Variants in BLVRA observed in about 807,000 individuals in gnomAD.
BLVRA encodes the protein BVR A.
Under a neutral mutation model 32.8 loss-of-function variants are expected in BLVRA, and 22 were observed. The ratio of observed to expected loss-of-function variants is 0.67; its 90% CI spans 0.48 to 0.96. The LOEUF is 0.96. BLVRA is among the 40% of genes least tolerant of loss of function. BLVRA has a pLI of 0.00. For missense variants in BLVRA, 323 were observed against 358.1 expected (o/e 0.90, Z 0.79); for synonymous variants, 119 against 141.3 (o/e 0.84, Z 1.12).
intron 6 of BLVRA, among the ~76,000 whole-genome samples, chr7:43,801,058 G>C (rs1327273277): frequency 6.6e-6 from 1 of 152,014 alleles, no homozygotes. Context: ...GGAGTGCAGT[G>C]GTGCAATCAT....
At chr7:43,771,006 G>C (rs2095754077) in intron 1 of BLVRA, 132 bp from the exon 2 acceptor site, 1 of 801,656 alleles carries the variant, frequency 1.2e-6, no homozygotes, top group East Asian at 2.5e-5. Flanking sequence ...CACAGGTGGT[G>C]AAGGCATTTG....
intron 5 of BLVRA, among the ~76,000 whole-genome samples, chr7:43,795,249 AT>A (rs1233525566): frequency 6.7e-6 from 1 of 150,332 alleles, no homozygotes; most frequent in East Asian, 2.0e-4. Context: ...ATAAAAATAG[AT>A]TGTGCCTGTA....
intron 5 of BLVRA, among the ~76,000 whole-genome samples, chr7:43,793,389 A>G (rs2095788318): frequency 6.6e-6 from 1 of 151,948 alleles, no homozygotes; most frequent in South Asian, 2.1e-4. Flanking sequence ...CAAAGCTAAT[A>G]ACATGACTAC....
At chr7:43,796,935 A>C (rs956739399) in intron 5 of BLVRA, among the ~76,000 whole-genome samples, 1 of 152,230 alleles carries the variant, frequency 6.6e-6, no homozygotes, top group Non-Finnish European at 1.5e-5. Flanking sequence ...TCAGACGGCA[A>C]ACAATCATAT....
At chr7:43,761,331 G>C (rs955082027) in intron 1 of BLVRA, among the ~76,000 whole-genome samples, 4 of 152,008 alleles carry the variant, frequency 2.6e-5, no homozygotes, top group Non-Finnish European at 4.4e-5. Flanking sequence ...AACTATTCCA[G>C]GGGAAAAAAA....
chr7:43,800,449 A>G lies in BLVRA; in HGVS notation c.353-16A>G, dbSNP rs960671271. 2 of 1,612,750 alleles carry G rather than the reference A, an allele frequency of 1.2e-6. No individual in the cohort carries two copies. Among genetic ancestry groups the G allele is most frequent in the African/African-American group, 2.7e-5 (2 of 74,954 alleles). ...AACTGACGACTGCCCTTTTTATTCC[A>G]TTTTTGTCGTTACAGGAAAAGTCTT... On this transcript the variant is annotated splice_polypyrimidine_tract_variant and intron_variant, in intron 5 of 7. Transcript: ENST00000265523.
At chr7:43,798,553 G>A (rs1004864221) in intron 5 of BLVRA, among the ~76,000 whole-genome samples, 2 of 152,120 alleles carry the variant, frequency 1.3e-5, no homozygotes, top group Non-Finnish European at 2.9e-5. Flanking sequence ...GCTCAGTGGG[G>A]AACCTCTTCC....
rs2095804648 is a variant in BLVRA, at chr7:43,806,993, G to GAAGAAA, written c.653_658dup (p.Glu218_Lys219dup). The GAAGAAA allele has an allele frequency of 6.2e-7, 1 of 1,613,946 alleles. No homozygotes were observed. The highest frequency in any genetic ancestry group is 1.3e-5 in the African/African-American group (1 of 74,918). ...TCTTTGCAGTCCACTGTCATGGATT[G>GAAGAAA]AAGAAAAAGGACCTGGTCTAAAACG... is the stretch of plus-strand genomic sequence containing the variant. On this transcript the variant is annotated inframe_insertion, in exon 8 of 8. Coordinates refer to ENST00000265523, the MANE Select transcript of BLVRA (RefSeq NM_000712.4).
chr7:43,787,815 G>A lies in BLVRA; in HGVS notation c.13-89G>A, dbSNP rs849165. 814,876 of 1,604,566 alleles carry A rather than the reference G, an allele frequency of 0.51. 209,324 individuals carry two copies. Among genetic ancestry groups the A allele is most frequent in the African/African-American group, 0.65 (48,154 of 74,656 alleles). ...TTTTGGGCTGGCTTCCATCTTGCTC[G>A]TCGGGACCCTGCCAGCTCCTTTGTT... On this transcript the variant is annotated intron_variant, in intron 2 of 7. Transcript: ENST00000265523. The surrounding 1 kb of genome is among the most constrained non-coding windows in gnomAD (Gnocchi z 4.5).
chr7:43,760,260 G>A (rs2095740854), intron 1 of BLVRA: 1 of 151,632 alleles, frequency 6.6e-6, no homozygotes, highest in Non-Finnish European at 1.5e-5. Flanking sequence ...TGCCACTTTG[G>A]GCCACATCTA....
At chr7:43,791,409 T>A in intron 4 of BLVRA, 41 bp downstream of exon 4, 2 of 1,611,872 alleles carry the variant, frequency 1.2e-6, no homozygotes, top group Non-Finnish European at 1.7e-6. Context: ...TACACAGCAG[T>A]GCAGTACTGC....
intron 2 of BLVRA, among the ~76,000 whole-genome samples, chr7:43,771,640 T>C (rs1167839870): frequency 6.6e-6 from 1 of 152,230 alleles, no homozygotes; most frequent in Non-Finnish European, 1.5e-5. Flanking sequence ...ACCTTGGGGT[T>C]CATCACTTCA....
At chr7:43,769,888 C>T (rs1180233186) in intron 1 of BLVRA, among the ~76,000 whole-genome samples, 3 of 152,134 alleles carry the variant, frequency 2.0e-5, no homozygotes, top group Non-Finnish European at 4.4e-5. Context: ...GGATTACAGG[C>T]GTGAGCCACT....
chr7:43,781,163 A>G (rs1418797382), intron 2 of BLVRA, among the ~76,000 whole-genome samples: 3 of 151,954 alleles, frequency 2.0e-5, no homozygotes, highest in Non-Finnish European at 4.4e-5. Context: ...AAAAAATTAT[A>G]TGCAGTAAAA....
In BLVRA at chr7:43,768,041, A is replaced by G. The variant is rs571196410; in HGVS notation, c.-21-3097A>G. 4.6e-5 allele frequency among the ~76,000 whole-genome samples: 7 copies of G among 152,312 alleles called. No individual in the cohort carries two copies. In the South Asian group the frequency reaches 8.3e-4, roughly 18 times the overall value. On this transcript the variant is annotated intron_variant, in intron 1 of 7. Coordinates refer to ENST00000265523, the MANE Select transcript of BLVRA (RefSeq NM_000712.4). ...GATGCTACCCACTTGTAGTCCCCCAATAATATCAGAGTGTATTCCTGACCA... is the reference window on the plus strand; with the variant it reads ...GATGCTACCCACTTGTAGTCCCCCAGTAATATCAGAGTGTATTCCTGACCA...
intron 1 of BLVRA, among the ~76,000 whole-genome samples, chr7:43,766,287 A>AG (rs1491372990): frequency 1.1e-3 from 152 of 137,136 alleles, no homozygotes; most frequent in African/African-American, 3.8e-3. Context: ...ACTCTGTCTC[A>AG]GGGAAAAAAA....
intron 7 of BLVRA, among the ~76,000 whole-genome samples, chr7:43,804,474 C>T (rs1203047345): frequency 6.6e-6 from 1 of 152,118 alleles, no homozygotes; most frequent in African/African-American, 2.4e-5. Flanking sequence ...ATTATGTTAA[C>T]TCTGTGACCT....
chr7:43,779,517 GC>G (rs1294954738), intron 2 of BLVRA, among the ~76,000 whole-genome samples: 1 of 152,112 alleles, frequency 6.6e-6, no homozygotes, highest in African/African-American at 2.4e-5. Context: ...TAAAACTCAG[GC>G]TACAGAATGG....
chr7:43,786,801 G>A (rs950200398), intron 2 of BLVRA, among the ~76,000 whole-genome samples: 2 of 152,214 alleles, frequency 1.3e-5, no homozygotes, highest in African/African-American at 4.8e-5. Context: ...AGGAAGAGGG[G>A]CAGAGTCAGT....
Sources: gnomAD v4.1 joint callset for allele counts (sites outside exome capture counted in the v4.1 genomes callset) on GRCh38, gnomAD v4.1.1 for gene constraint, Gnocchi (gnomAD v3.1) non-coding constraint, MANE v1.5 for transcripts, NCBI Gene and HGNC (gene_info 2026-07-23, HGNC 2026-07-21) for gene names.